DNM3: variants seen among roughly 807,000 people sequenced by gnomAD.
DNM3 encodes dynamin-3.
Under a neutral mutation model 101.6 loss-of-function variants are expected in DNM3, and 47 were observed. The observed-to-expected ratio is 0.46, with a 90% confidence interval of 0.37 to 0.59. The LOEUF (loss-of-function observed/expected upper bound fraction) is 0.59, where lower values mean the gene tolerates loss of function less well. Ranked by LOEUF, DNM3 falls within the 20% of genes least tolerant of loss-of-function variation. The pLI is 0.00. For synonymous variants in DNM3, 385 were observed against 387.9 expected (o/e 0.99, Z 0.09); for missense variants, 849 against 1,085.7 (o/e 0.78, Z 3.06).
chr1:172,304,681 GTC>G (rs2064693787), intron 15 of DNM3, among the ~76,000 whole-genome samples: 1 of 152,110 alleles, frequency 6.6e-6, no homozygotes, highest in South Asian at 2.1e-4. Context: ...ACAACAAACT[GTC>G]TCTCAGACCA....
intron 15 of DNM3, among the ~76,000 whole-genome samples, chr1:172,260,424 AT>A (rs1557895551): frequency 6.6e-6 from 1 of 150,940 alleles, no homozygotes. Flanking sequence ...TAATTCTTTC[AT>A]TTTTTTTCGT....
chr1:172,344,397 C>A (rs1478212534), intron 17 of DNM3, among the ~76,000 whole-genome samples: 1 of 152,130 alleles, frequency 6.6e-6, no homozygotes, highest in Admixed American at 6.5e-5. Context: ...GTAATTATTT[C>A]CCTTGGTAGT....
intron 1 of DNM3, among the ~76,000 whole-genome samples, chr1:171,880,548 A>C (rs12065850): frequency 0.011 from 1,679 of 152,372 alleles, 35 homozygotes; most frequent in African/African-American, 0.039. Flanking sequence ...GAATTTAAAG[A>C]GTCTATGAAG....
chr1:171,858,996 C>A (rs2033901103), intron 1 of DNM3, among the ~76,000 whole-genome samples: 1 of 152,122 alleles, frequency 6.6e-6, no homozygotes, highest in African/African-American at 2.4e-5. Context: ...ACAGCCATAG[C>A]ATAATTGATA....
At chr1:172,399,243 G>A (rs1035786475) in intron 20 of DNM3, among the ~76,000 whole-genome samples, 4 of 152,138 alleles carry the variant, frequency 2.6e-5, no homozygotes, top group Non-Finnish European at 5.9e-5. Context: ...CTGACAAGCC[G>A]CTGAGTAGAA....
intron 20 of DNM3, among the ~76,000 whole-genome samples, chr1:172,396,109 A>G (rs2069971694): frequency 6.6e-6 from 1 of 152,236 alleles, no homozygotes; most frequent in Non-Finnish European, 1.5e-5. Context: ...AAAACCACAA[A>G]TAGCAAACAC....
At chr1:172,018,062 T>G (rs867090548) in intron 4 of DNM3, among the ~76,000 whole-genome samples, 3 of 151,948 alleles carry the variant, frequency 2.0e-5, no homozygotes, top group Admixed American at 6.6e-5. Context: ...TCTTTCCTCA[T>G]CTATTTACTT....
chr1:171,954,299 T>A (rs1424680010), intron 2 of DNM3, among the ~76,000 whole-genome samples: 4 of 152,198 alleles, frequency 2.6e-5, no homozygotes, highest in African/African-American at 9.7e-5. Context: ...TGAGATAATT[T>A]TGGGTCCTGA....
chr1:172,260,602 T>C (rs1278451349), intron 15 of DNM3, among the ~76,000 whole-genome samples: 1 of 152,070 alleles, frequency 6.6e-6, no homozygotes, highest in Non-Finnish European at 1.5e-5. Flanking sequence ...TGTTCTGTCT[T>C]ACTGTTGAAG....
At chr1:172,413,107 A>T (rs1160712108), downstream of DNM3, among the ~76,000 whole-genome samples, 3 of 152,222 alleles carry the variant, frequency 2.0e-5, no homozygotes, top group Admixed American at 2.0e-4. Flanking sequence ...CCCAAATGTT[A>T]GGTCCACAGA....
chr1:171,942,785 T>C (rs146222620), intron 2 of DNM3, among the ~76,000 whole-genome samples: 6 of 152,260 alleles, frequency 3.9e-5, no homozygotes, highest in African/African-American at 9.6e-5. Context: ...TCCAAGTGGC[T>C]ATCTTGAGGA....
intron 17 of DNM3, among the ~76,000 whole-genome samples, chr1:172,362,211 A>G (rs553196322): frequency 8.5e-5 from 13 of 152,156 alleles, no homozygotes; most frequent in Admixed American, 3.3e-4. Flanking sequence ...ATTAAAATAC[A>G]GGGGAGAAGA....
At chr1:172,190,140 C>T (rs745594035) in intron 14 of DNM3, among the ~76,000 whole-genome samples, 1 of 151,644 alleles carries the variant, frequency 6.6e-6, no homozygotes, top group Non-Finnish European at 1.5e-5. Context: ...AGGTATATCT[C>T]CTAATGCTAT....
intron 17 of DNM3, among the ~76,000 whole-genome samples, chr1:172,351,292 G>C (rs1460207637): frequency 6.6e-6 from 1 of 152,122 alleles, no homozygotes; most frequent in Non-Finnish European, 1.5e-5. Context: ...TTGTGTTCCA[G>C]AGAATGAATA....
chr1:172,282,754 G>A (rs148709870), intron 15 of DNM3, among the ~76,000 whole-genome samples: 11 of 152,298 alleles, frequency 7.2e-5, no homozygotes, highest in Non-Finnish European at 1.5e-4. Context: ...TCTACTTGGA[G>A]AGAGTCTTAG....
At chr1:172,063,448 C>A (rs1255066962) in intron 10 of DNM3, among the ~76,000 whole-genome samples, 1 of 151,522 alleles carries the variant, frequency 6.6e-6, no homozygotes, top group African/African-American at 2.4e-5. Flanking sequence ...AATAATTAAT[C>A]AGTACCCTAA....
At chr1:172,192,581 G>A (rs569501079) in intron 14 of DNM3, among the ~76,000 whole-genome samples, 13 of 134,612 alleles carry the variant, frequency 9.7e-5, no homozygotes, top group Admixed American at 8.0e-4. Context: ...CTGTGTCCAT[G>A]TGTTCTCATT....
intron 15 of DNM3, chr1:172,290,099 G>T (rs1225029099): frequency 1.4e-6 from 1 of 693,110 alleles, no homozygotes; most frequent in Non-Finnish European, 1.8e-6. Flanking sequence ...GGTGAGACTA[G>T]TCAGTCAACA....
At chr1:172,166,505 T>C (rs2058749713) in intron 14 of DNM3, among the ~76,000 whole-genome samples, 2 of 152,054 alleles carry the variant, frequency 1.3e-5, no homozygotes, top group Non-Finnish European at 2.9e-5. Flanking sequence ...AAATGTGCAC[T>C]GCCAATTTGA....
Sources: allele counts gnomAD v4.1 joint callset (sites outside exome capture counted in the v4.1 genomes callset), GRCh38; gene constraint gnomAD v4.1.1; transcripts MANE v1.5; gene names NCBI Gene and HGNC (gene_info 2026-07-23, HGNC 2026-07-21).